The following IGF1R variants were observed in gnomAD, a reference collection of about 807,000 sequenced individuals.
IGF1R encodes the protein insulin like growth factor 1 receptor.
In IGF1R, 44 loss-of-function variants were observed where a neutral mutation model predicts 144.6. That is an observed-to-expected ratio of 0.30 (90% CI 0.24 to 0.39). The LOEUF (loss-of-function observed/expected upper bound fraction) is 0.39, where lower values mean the gene tolerates loss of function less well. Ranked by LOEUF, IGF1R falls within the 10% of genes least tolerant of loss-of-function variation. IGF1R has a pLI of 1.00. For synonymous variants in IGF1R, 795 were observed against 722.8 expected (o/e 1.10, Z -1.60); for missense variants, 1,355 against 1,833.7 (o/e 0.74, Z 4.77).
intron 2 of IGF1R, among the ~76,000 whole-genome samples, chr15:98,816,614 A>C (rs754804603): frequency 6.6e-6 from 1 of 152,216 alleles, no homozygotes; most frequent in Admixed American, 6.5e-5. Flanking sequence ...CTGTAGCTGC[A>C]GATAATAAAC....
Position 98,959,968 on chromosome 15 carries a change from AGG to A in IGF1R, c.*2528_*2529del, listed in dbSNP as rs398100008. ...CATTATGAATTTAAATTTCAAGGAAAGGGTGTGTGTGTGTGTATGTGTGGGGT... is the reference window on the plus strand; with the variant it reads ...CATTATGAATTTAAATTTCAAGGAAAGTGTGTGTGTGTGTATGTGTGGGGT... On this transcript the variant is annotated 3_prime_UTR_variant, in exon 21 of 21. Transcript: ENST00000650285. The A allele has an allele frequency of 1.5e-5, 2 of 133,194 alleles. No homozygotes were observed. Among genetic ancestry groups the A allele is most frequent in the Non-Finnish European group, 3.1e-5 (2 of 63,808 alleles). The allele number at this position is 133,194 out of a possible 1,614,324, so 8.3% of individuals were successfully genotyped here. A position where few individuals can be genotyped will look rare whatever the true frequency, so the allele number is the denominator to read the frequency against.
chr15:98,957,289 C>T lies in IGF1R; in HGVS notation c.3951C>T (p.Pro1317=), dbSNP rs767652806. Residue 1317 remains proline, a synonymous_variant, in exon 21 of 21, where the codon CCC becomes CCT. Transcript: ENST00000650285. ...CCTCCTCGTCCTCCCTGCCACTGCC[C>T]GACAGACACTCAGGACACAAGGCCG... is the stretch of plus-strand genomic sequence containing the variant. ...PSASSSSLPL[P]DRHSGHKAEN... is the part of the protein sequence containing the mutation. 1.9e-5 allele frequency: 30 copies of T among 1,613,832 alleles called. No homozygotes were observed. The highest frequency in any genetic ancestry group is 1.7e-4 in the Middle Eastern group (1 of 6,060).
chr15:98,779,661 C>T (rs562450844), intron 2 of IGF1R, among the ~76,000 whole-genome samples: 1 of 152,358 alleles, frequency 6.6e-6, no homozygotes, highest in Admixed American at 6.5e-5. Context: ...TAATCCGCTT[C>T]TCTGGAGTCA....
At chr15:98,798,456 C>T (rs952236611) in intron 2 of IGF1R, among the ~76,000 whole-genome samples, 11 of 151,718 alleles carry the variant, frequency 7.3e-5, no homozygotes, top group African/African-American at 2.2e-4. Context: ...CTGGTGTGTA[C>T]GTTAACAGGA....
chr15:98,959,678 G>A lies in IGF1R; in HGVS notation c.*2236G>A. 4.3e-6 allele frequency: 1 copy of A among 233,662 alleles called. No individual in the cohort carries two copies. The highest frequency in any genetic ancestry group is 8.5e-6 in the Non-Finnish European group (1 of 118,006). The allele number at this position is 233,662 out of a possible 1,614,324, so 14.5% of individuals were successfully genotyped here. ...AGCACTTCTCACCAGAGAGATGACAGCACAAGAGTTGCTTCTGGGATAGAA... is the reference window on the plus strand; with the variant it reads ...AGCACTTCTCACCAGAGAGATGACAACACAAGAGTTGCTTCTGGGATAGAA... On this transcript the variant is annotated 3_prime_UTR_variant, in exon 21 of 21. Coordinates refer to ENST00000650285, the MANE Select transcript of IGF1R (RefSeq NM_000875.5).
chr15:98,927,779 C>T (rs1467588741), intron 13 of IGF1R, among the ~76,000 whole-genome samples: 1 of 152,166 alleles, frequency 6.6e-6, no homozygotes, highest in Admixed American at 6.5e-5. Context: ...CTGTAGTAGT[C>T]TTTAAAGAGT....
intron 2 of IGF1R, among the ~76,000 whole-genome samples, chr15:98,865,280 A>G (rs1344744033): frequency 6.6e-6 from 1 of 152,246 alleles, no homozygotes; most frequent in African/African-American, 2.4e-5. Context: ...GATAGGTAAA[A>G]TCTATTTGAG....
chr15:98,887,922 G>A (rs900415894), intron 2 of IGF1R, among the ~76,000 whole-genome samples: 11 of 152,280 alleles, frequency 7.2e-5, no homozygotes, highest in African/African-American at 1.4e-4. Context: ...CCATGGTTTC[G>A]TATTATCCAC....
chr15:98,903,646 C>G (rs922187496), intron 5 of IGF1R, among the ~76,000 whole-genome samples: 3 of 152,130 alleles, frequency 2.0e-5, no homozygotes, highest in Non-Finnish European at 4.4e-5. Context: ...AAAAGAAAGA[C>G]CCACTGGAAA....
chr15:98,717,019 G>T (rs1399589367), intron 2 of IGF1R, among the ~76,000 whole-genome samples: 1 of 152,160 alleles, frequency 6.6e-6, no homozygotes, highest in Non-Finnish European at 1.5e-5. Flanking sequence ...TCCACATGCG[G>T]ATGTACAGCT....
Position 98,649,665 on chromosome 15 carries a change from G to A in IGF1R, c.84G>A (p.Thr28=), listed in dbSNP as rs372748482. Reference sequence around the variant, plus strand: ...CCGCCGCGCTCTCGCTCTGGCCGACGAGTGGAGAAAGTGAGTATGTGCCCG... The same window carrying A: ...CCGCCGCGCTCTCGCTCTGGCCGACAAGTGGAGAAAGTGAGTATGTGCCCG... The part of the protein sequence containing the change: ...FLSAALSLWP[T]SGEICGPGID... Residue 28 remains threonine (T), a synonymous_variant, in exon 1 of 21, where the codon ACG becomes ACA. Transcript: ENST00000650285. 181 of 1,610,000 alleles carry A rather than the reference G, an allele frequency of 1.1e-4. No individual in the cohort carries two copies. Among genetic ancestry groups the A allele is most frequent in the Non-Finnish European group, 1.5e-4 (172 of 1,178,342 alleles).
chr15:98,712,844 A>G (rs1036457050), intron 2 of IGF1R, among the ~76,000 whole-genome samples: 2 of 150,608 alleles, frequency 1.3e-5, no homozygotes, highest in Non-Finnish European at 3.0e-5. Context: ...TCCCGACCTC[A>G]GGCGATCCAC....
At position 98,826,982 on chromosome 15, in the gene IGF1R, A is replaced by T. The variant is rs898830300; in HGVS notation, c.641-64343A>T. On this transcript the variant is annotated intron_variant, in intron 2 of 20. Transcript: ENST00000650285. ...TAGGATTAGACTCTTTTCATATCCCACTAAACACTCTCCTTAGAAGCAAGC... is the reference window on the plus strand; with the variant it reads ...TAGGATTAGACTCTTTTCATATCCCTCTAAACACTCTCCTTAGAAGCAAGC... 8.5e-5 allele frequency among the ~76,000 whole-genome samples: 13 copies of T among 152,342 alleles called. 2 individuals carry two copies. The highest frequency in any genetic ancestry group is 7.2e-4 in the Admixed American group (11 of 15,304).
At chr15:98,768,955 AACAAC>A (rs879431895) in intron 2 of IGF1R, among the ~76,000 whole-genome samples, 9,911 of 132,006 alleles carry the variant, frequency 0.075, 409 homozygotes, top group South Asian at 0.17. Flanking sequence ...CAACAACAAC[AACAAC>A]ACCTCACAAC....
rs1457845859 is a variant in IGF1R at position 98,963,818 on chromosome 15, A to G, written c.*6376A>G. On this transcript the variant is annotated 3_prime_UTR_variant, in exon 21 of 21. Coordinates refer to ENST00000650285, the MANE Select transcript of IGF1R (RefSeq NM_000875.5). Reference sequence around the variant, plus strand: ...GAAAAGAATTTTTAATAAAAACTATAACATACACAAAAATTGGTTTTAAAG... The same window carrying G: ...GAAAAGAATTTTTAATAAAAACTATGACATACACAAAAATTGGTTTTAAAG... 4.3e-6 allele frequency: 1 copy of G among 232,984 alleles called. No individual in the cohort carries two copies. The highest frequency in any genetic ancestry group is 2.2e-5 in the African/African-American group (1 of 45,360). 14.4% of individuals were successfully genotyped at this position (232,984 alleles called of 1,614,324 possible).
chr15:98,822,429 GTC>G (rs2056819079), intron 2 of IGF1R, among the ~76,000 whole-genome samples: 1 of 152,206 alleles, frequency 6.6e-6, no homozygotes. Flanking sequence ...GATAATAAAA[GTC>G]TAGCATGATA....
At chr15:98,782,794 T>C (rs2055889589) in intron 2 of IGF1R, among the ~76,000 whole-genome samples, 1 of 152,236 alleles carries the variant, frequency 6.6e-6, no homozygotes, top group Non-Finnish European at 1.5e-5. Context: ...AGAAATTCTT[T>C]TGTGCTAATT....
At chr15:98,820,192 A>G (rs1336288537) in intron 2 of IGF1R, among the ~76,000 whole-genome samples, 1 of 78,200 alleles carries the variant, frequency 1.3e-5, no homozygotes, top group Non-Finnish European at 2.5e-5. Flanking sequence ...GGAATTGCTG[A>G]TGCTATTTTC....
At chr15:98,691,367 GTT>G (rs746317149) in intron 1 of IGF1R, among the ~76,000 whole-genome samples, 21 of 132,126 alleles carry the variant, frequency 1.6e-4, no homozygotes, top group African/African-American at 2.0e-4. Flanking sequence ...GGTTTTTTTT[GTT>G]TTTTTTTTTT....
Sources: allele counts gnomAD v4.1 joint callset (sites outside exome capture counted in the v4.1 genomes callset), GRCh38; gene constraint gnomAD v4.1.1; transcripts MANE v1.5; gene names NCBI Gene and HGNC (gene_info 2026-07-23, HGNC 2026-07-21).